Variants in ZNF487 observed in about 807,000 individuals in gnomAD.
ZNF487 encodes the protein KRAB domain only 1.
ZNF487 carries 4 observed loss-of-function variants against 3.0 expected under a neutral mutation model. That is an observed-to-expected ratio of 1.35 (90% CI 0.66 to 3.08). The LOEUF is 3.08. ZNF487 is among the 30% of genes most tolerant of loss of function. The probability of loss-of-function intolerance (pLI) is 0.01; values close to 1 mark genes in which losing one functional copy is unlikely to be tolerated. For synonymous variants in ZNF487, 55 were observed against 34.6 expected, an observed-to-expected ratio of 1.59 and a Z score of -2.06; for missense variants, 146 against 98.7, an observed-to-expected ratio of 1.48 and a Z score of -2.03.
At chr10:43,437,958 G>T (rs1213929403) in intron 1 of ZNF487, among the ~76,000 whole-genome samples, 36 of 151,554 alleles carry the variant, frequency 2.4e-4, no homozygotes. Flanking sequence ...TCCAAAGTGC[G>T]GGGATTACAG....
At chr10:43,519,400 T>TTACC in the ZNF487 span, among the ~76,000 whole-genome samples, 1 of 152,196 alleles carries the variant, frequency 6.6e-6, no homozygotes, top group Non-Finnish European at 1.5e-5. Flanking sequence ...AACTTCTGAT[T>TTACC]TACCTTGTTA....
chr10:43,493,291 T>G, the ZNF487 span, among the ~76,000 whole-genome samples: 2 of 152,116 alleles, frequency 1.3e-5, no homozygotes, highest in East Asian at 3.9e-4. Context: ...CCTACATATT[T>G]AAAAGTTTGT....
the ZNF487 span, among the ~76,000 whole-genome samples, chr10:43,511,746 C>T: frequency 6.6e-6 from 1 of 152,172 alleles, no homozygotes; most frequent in Admixed American, 6.5e-5. Flanking sequence ...ACAGGGGTGG[C>T]TGAGGAAAGA....
chr10:43,505,453 T>G, the ZNF487 span, among the ~76,000 whole-genome samples: 1 of 150,010 alleles, frequency 6.7e-6, no homozygotes, highest in African/African-American at 2.5e-5. Context: ...CCCGGCTAAT[T>G]TTTGTATTTT....
chr10:43,473,045 CAAA>C (rs375326367), intron 1 of ZNF487, among the ~76,000 whole-genome samples: 1 of 78,594 alleles, frequency 1.3e-5, no homozygotes. Context: ...GACTCTGTCT[CAAA>C]AAAAAAAAAA....
chr10:43,453,664 G>A (rs1370952402), intron 1 of ZNF487: 1 of 152,184 alleles, frequency 6.6e-6, no homozygotes, highest in East Asian at 1.9e-4. Context: ...CTTACAGTGA[G>A]CAGTCACCAA....
the ZNF487 span, among the ~76,000 whole-genome samples, chr10:43,519,116 G>C: frequency 6.6e-6 from 1 of 151,692 alleles, no homozygotes; most frequent in Non-Finnish European, 1.5e-5. Context: ...GGGTCTTGCT[G>C]TGCTGCCCAG....
chr10:43,504,317 G>A, the ZNF487 span, among the ~76,000 whole-genome samples: 13 of 126,094 alleles, frequency 1.0e-4, no homozygotes, highest in East Asian at 7.1e-4. Context: ...TTTTTGAGGC[G>A]GAGTCTTGCA....
At chr10:43,462,147 CTCTT>C (rs1244451712) in intron 1 of ZNF487, among the ~76,000 whole-genome samples, 1 of 151,962 alleles carries the variant, frequency 6.6e-6, no homozygotes, top group Admixed American at 6.6e-5. Context: ...TAGTGAATTA[CTCTT>C]TCTGTTTGTT....
intron 3 of ZNF487, among the ~76,000 whole-genome samples, chr10:43,476,739 C>T (rs901573706): frequency 6.6e-6 from 1 of 152,126 alleles, no homozygotes; most frequent in Non-Finnish European, 1.5e-5. Context: ...GTGCTGTGAA[C>T]CTTAGGCCAC....
At chr10:43,487,361 G>A (rs1465609808), downstream of ZNF487, among the ~76,000 whole-genome samples, 1 of 151,710 alleles carries the variant, frequency 6.6e-6, no homozygotes, top group Non-Finnish European at 1.5e-5. Context: ...GGATGGTCTC[G>A]ATTTCCTGAC....
intron 1 of ZNF487, among the ~76,000 whole-genome samples, chr10:43,455,599 G>A (rs1378014777): frequency 6.6e-6 from 1 of 152,230 alleles, no homozygotes; most frequent in East Asian, 1.9e-4. Flanking sequence ...CGCGGAACCT[G>A]ACGGGAAACG....
the ZNF487 span, among the ~76,000 whole-genome samples, chr10:43,507,806 A>G: frequency 2.0e-5 from 3 of 152,216 alleles, no homozygotes; most frequent in African/African-American, 7.2e-5. Context: ...AAGGTGGGCC[A>G]TTGGGCCCCT....
chr10:43,437,868 T>C (rs191065041), intron 1 of ZNF487, among the ~76,000 whole-genome samples: 57 of 152,142 alleles, frequency 3.7e-4, no homozygotes, highest in African/African-American at 1.3e-3. Context: ...TATTTATTTA[T>C]AAATAGAAAC....
chr10:43,464,057 T>G (rs1483158813), intron 1 of ZNF487, among the ~76,000 whole-genome samples: 16 of 152,250 alleles, frequency 1.1e-4, no homozygotes. Context: ...TCTCTCACTT[T>G]AAATCAGAAG....
At position 43,483,009 on chromosome 10, in the gene ZNF487, GA is replaced by G; in HGVS notation, c.*1090del. The G allele has an allele frequency of 2.0e-6, 1 of 488,478 alleles. No homozygotes were observed. Among genetic ancestry groups the G allele is most frequent in the Non-Finnish European group, 4.1e-6 (1 of 241,702 alleles). 30.3% of individuals were successfully genotyped at this position (488,478 alleles called of 1,614,324 possible). The stretch of plus-strand genomic sequence containing the variant: ...AAGGGAGCAACCCTATGAATATAAT[GA>G]AAGCTTTTACCAGAATCCCAACTTC... On this transcript the variant is annotated 3_prime_UTR_variant, in exon 4 of 4. Transcript: ENST00000437590.
chr10:43,482,094 T>C lies in ZNF487; in HGVS notation c.*172T>C, dbSNP rs1255315575. ...TGGAGATGAAATACTATGAGTGTAATGCGAGTGAGAATAGTTTTGGCAAGA... is the reference window on the plus strand; with the variant it reads ...TGGAGATGAAATACTATGAGTGTAACGCGAGTGAGAATAGTTTTGGCAAGA... On this transcript the variant is annotated 3_prime_UTR_variant, in exon 4 of 4. Coordinates refer to ENST00000437590, the MANE Select transcript of ZNF487 (RefSeq NM_001355444.3). The C allele has an allele frequency of 1.7e-5, 10 of 576,318 alleles. No individual in the cohort carries two copies. Among genetic ancestry groups the C allele is most frequent in the South Asian group, 4.7e-5 (2 of 42,246 alleles). The allele number at this position is 576,318 out of a possible 1,614,324, so 35.7% of individuals were successfully genotyped here. A position where few individuals can be genotyped will look rare whatever the true frequency, so the allele number is the denominator to read the frequency against.
intron 1 of ZNF487, among the ~76,000 whole-genome samples, chr10:43,470,550 A>C (rs1343583412): frequency 3.3e-5 from 5 of 151,672 alleles, no homozygotes; most frequent in African/African-American, 1.2e-4. Flanking sequence ...CACCTGGCTA[A>C]TTTTTTTGTA....
At position 43,480,632 on chromosome 10, in the gene ZNF487, TCTGGAACG is replaced by T. The variant is rs576859467; in HGVS notation, c.131-794_131-787del. 1.4e-3 allele frequency among the ~76,000 whole-genome samples: 208 copies of T among 152,102 alleles called. 1 individual carries two copies. Among genetic ancestry groups the T allele is most frequent in the Middle Eastern group, 3.4e-3 (1 of 294 alleles). The stretch of plus-strand genomic sequence containing the variant: ...GGTTTTGCCATGTTGGCCAGGCTGG[TCTGGAACG>T]CTTGACTTCAGGTGATCCACCTTCC... On this transcript the variant is annotated intron_variant, in intron 3 of 3. Transcript: ENST00000437590.
Sources: gnomAD v4.1 joint callset for allele counts (sites outside exome capture counted in the v4.1 genomes callset) on GRCh38, gnomAD v4.1.1 for gene constraint, MANE v1.5 for transcripts, NCBI Gene and HGNC (gene_info 2026-07-23, HGNC 2026-07-21) for gene names.